Variants in SEM1 observed in about 807,000 individuals in gnomAD.
SEM1 encodes the protein SEM1 26S proteasome subunit.
Under a neutral mutation model 12.7 loss-of-function variants are expected in SEM1, and 3 were observed. That is an observed-to-expected ratio of 0.24 (90% confidence interval 0.11 to 0.61). The LOEUF is 0.61. Among genes scored for constraint, SEM1 ranks in the 20% least tolerant of loss-of-function variants. The probability of loss-of-function intolerance (pLI) is 0.88; values close to 1 mark genes in which losing one functional copy is unlikely to be tolerated. For synonymous variants in SEM1, 30 were observed against 27.8 expected (o/e 1.08, Z -0.25); for missense variants, 59 against 81.3 (o/e 0.73, Z 1.06).
chr7:96,703,398 T>C (rs1305160852), intron 1 of SEM1, among the ~76,000 whole-genome samples: 1 of 152,196 alleles, frequency 6.6e-6, no homozygotes, highest in African/African-American at 2.4e-5. Flanking sequence ...TCACAAATGG[T>C]TTAGAGAAAA....
At chr7:96,553,506 G>T (rs1180279571) in intron 2 of SEM1, among the ~76,000 whole-genome samples, 2 of 151,578 alleles carry the variant, frequency 1.3e-5, no homozygotes, top group African/African-American at 4.8e-5. Flanking sequence ...GATAGTTGTA[G>T]ATATGCAGCA....
At chr7:96,592,410 A>G in intron 2 of SEM1, among the ~76,000 whole-genome samples, 1 of 152,080 alleles carries the variant, frequency 6.6e-6, no homozygotes, top group East Asian at 1.9e-4. Context: ...CAATACGTGC[A>G]TTCACATCTA....
chr7:96,672,163 C>A (rs1007877302), downstream of SEM1, among the ~76,000 whole-genome samples: 1 of 152,162 alleles, frequency 6.6e-6, no homozygotes, highest in East Asian at 1.9e-4. Flanking sequence ...CTTCTCAGGA[C>A]TTCTGTGTAG....
intron 2 of SEM1, among the ~76,000 whole-genome samples, chr7:96,511,540 G>C (rs1803934399): frequency 6.6e-6 from 1 of 152,106 alleles, no homozygotes. Context: ...CTATTGGACT[G>C]ATGTATATAG....
chr7:96,649,262 A>G (rs1808892954), intron 2 of SEM1: 1 of 152,150 alleles, frequency 6.6e-6, no homozygotes, highest in Admixed American at 6.5e-5. Flanking sequence ...TCATTCATAA[A>G]CCAATGTGTT....
intron 2 of SEM1, among the ~76,000 whole-genome samples, chr7:96,662,308 G>C (rs573592957): frequency 6.6e-6 from 1 of 152,132 alleles, no homozygotes; most frequent in Non-Finnish European, 1.5e-5. Flanking sequence ...TAAAGAAAAC[G>C]TGGGACATAT....
intron 2 of SEM1, among the ~76,000 whole-genome samples, chr7:96,540,502 C>CA (rs1226747545): frequency 2.0e-5 from 3 of 151,632 alleles, no homozygotes; most frequent in African/African-American, 7.3e-5. Flanking sequence ...GATCAAAAAG[C>CA]AAACTTCAAA....
rs60189978 is a variant in SEM1 at position 96,650,684 on chromosome 7, G to GCA, written c.171-28043_171-28042dup. Reference sequence around the variant, plus strand: ...CACACAGAAACACACACAGATGCGCGCACACACACACACACACTCAGAGCT... The same window carrying GCA: ...CACACAGAAACACACACAGATGCGCGCACACACACACACACACACTCAGAGCT... On this transcript the variant is annotated intron_variant, in intron 2 of 2. Coordinates refer to the SEM1 transcript ENST00000417009. 3.3e-3 allele frequency among the ~76,000 whole-genome samples: 501 copies of GCA among 150,822 alleles called. 2 individuals are homozygous for GCA. The highest frequency in any genetic ancestry group is 9.6e-3 in the African/African-American group (394 of 41,224).
At chr7:96,502,244 A>C (rs957820225) in intron 3 of SEM1, among the ~76,000 whole-genome samples, 1 of 152,198 alleles carries the variant, frequency 6.6e-6, no homozygotes. Flanking sequence ...GCCATAAATC[A>C]AATCCTGATT....
rs965894454 is a variant in SEM1, at chr7:96,533,487, C to G, written c.171-26789G>C. On this transcript the variant is annotated intron_variant and NMD_transcript_variant, in intron 2 of 3. Coordinates refer to the SEM1 transcript ENST00000466986. ...CTTCTTTATAATTAAATTAGACTGTCTGATATTTGTGTATTATGGTTACTT... is the reference window on the plus strand; with the variant it reads ...CTTCTTTATAATTAAATTAGACTGTGTGATATTTGTGTATTATGGTTACTT... 2.0e-5 allele frequency among the ~76,000 whole-genome samples: 3 copies of G among 151,980 alleles called. No homozygotes were observed. In the East Asian group the frequency reaches 5.8e-4, roughly 29 times the overall value.
chr7:96,606,025 A>G (rs62471429), intron 2 of SEM1, among the ~76,000 whole-genome samples: 18,993 of 152,168 alleles, frequency 0.12, 1,243 homozygotes, highest in Non-Finnish European at 0.14. Flanking sequence ...GCTTGTGTTC[A>G]AGTCACCCTT....
chr7:96,607,018 A>G (rs1584800921), intron 2 of SEM1, among the ~76,000 whole-genome samples: 1 of 152,292 alleles, frequency 6.6e-6, no homozygotes, highest in Middle Eastern at 3.4e-3. Context: ...GCACTAATTT[A>G]TGGTGTTTAT....
chr7:96,681,208 A>C (rs1789601270), intron 2 of SEM1, among the ~76,000 whole-genome samples: 1 of 152,122 alleles, frequency 6.6e-6, no homozygotes, highest in South Asian at 2.1e-4. Context: ...GCCAGACTAC[A>C]TTGGGCTTTA....
chr7:96,510,339 T>C (rs535035039), intron 2 of SEM1, among the ~76,000 whole-genome samples: 63 of 152,304 alleles, frequency 4.1e-4, no homozygotes, highest in African/African-American at 1.5e-3. Flanking sequence ...TGGAATAACC[T>C]ACTACACATC....
Position 96,536,724 on chromosome 7 carries a change from A to G in SEM1, c.171-30026T>C, listed in dbSNP as rs116491564. 1.1e-3 allele frequency among the ~76,000 whole-genome samples: 168 copies of G among 151,916 alleles called. 1 individual carries two copies. The highest frequency in any genetic ancestry group is 4.0e-3 in the African/African-American group (164 of 41,498). On this transcript the variant is annotated intron_variant and NMD_transcript_variant, in intron 2 of 3. Transcript: ENST00000466986. The stretch of plus-strand genomic sequence containing the variant: ...CTGAAGTCAGCTTTGTCTGAAATTA[A>G]TATAACTACTTCAGCTTTCTTCTGA...
exon 2 of SEM1, chr7:96,486,374 A>G (rs1206760414): frequency 1.8e-5 from 28 of 1,536,832 alleles, no homozygotes; most frequent in African/African-American, 8.2e-5. Context: ...CTTTCTTCCC[A>G]CTTTTCCTCC....
At chr7:96,671,677 T>C (rs575063934), downstream of SEM1, among the ~76,000 whole-genome samples, 10 of 152,190 alleles carry the variant, frequency 6.6e-5, 1 homozygote, top group Admixed American at 6.5e-4. Flanking sequence ...ATATAACCGA[T>C]TGAAGAGAAG....
intron 2 of SEM1, among the ~76,000 whole-genome samples, chr7:96,653,523 C>A (rs915785608): frequency 1.3e-5 from 2 of 152,116 alleles, no homozygotes; most frequent in Non-Finnish European, 2.9e-5. Context: ...ATTGTTGTAG[C>A]CAGGACCCAG....
chr7:96,580,883 G>A (rs1243824519), intron 2 of SEM1, among the ~76,000 whole-genome samples: 1 of 152,154 alleles, frequency 6.6e-6, no homozygotes, highest in Non-Finnish European at 1.5e-5. Flanking sequence ...TTTGTCAGAT[G>A]AGTAGGTTGC....
Sources: allele counts gnomAD v4.1 joint callset (sites outside exome capture counted in the v4.1 genomes callset), GRCh38; gene constraint gnomAD v4.1.1; transcripts MANE v1.5; gene names NCBI Gene and HGNC (gene_info 2026-07-23, HGNC 2026-07-21).